Variants in STXBP5L observed in about 807,000 individuals in gnomAD.
STXBP5L encodes the protein syntaxin binding protein 5L, also known as syntaxin-binding protein 5-like.
A neutral mutation model predicts 144.5 loss-of-function variants in STXBP5L; 65 were observed. That is an observed-to-expected ratio of 0.45 (90% CI 0.37 to 0.55). The LOEUF (loss-of-function observed/expected upper bound fraction) is 0.55. STXBP5L is among the 20% of genes least tolerant of loss of function. The probability of loss-of-function intolerance (pLI) is 0.00; values close to 1 mark genes in which losing one functional copy is unlikely to be tolerated. For synonymous variants in STXBP5L, 505 were observed against 469.6 expected, an observed-to-expected ratio of 1.08 and a Z score of -0.97; for missense variants, 1,298 against 1,405.5, an observed-to-expected ratio of 0.92 and a Z score of 1.22.
At chr3:121,078,005 C>T (rs1275267376) in intron 5 of STXBP5L, among the ~76,000 whole-genome samples, 1 of 152,202 alleles carries the variant, frequency 6.6e-6, no homozygotes, top group Admixed American at 6.5e-5. Flanking sequence ...CATTCACAAA[C>T]CCTGAGCTAG....
At chr3:120,955,073 A>G (rs1451217739) in intron 3 of STXBP5L, 36 bp downstream of exon 3, 2 of 1,373,186 alleles carry the variant, frequency 1.5e-6, no homozygotes, top group Admixed American at 1.7e-5. Flanking sequence ...CTGCCACAGT[A>G]ATGCCAATTA....
chr3:121,001,301 G>A (rs553856673), intron 3 of STXBP5L, among the ~76,000 whole-genome samples: 2 of 152,352 alleles, frequency 1.3e-5, no homozygotes, highest in African/African-American at 4.8e-5. Flanking sequence ...CCCTGGTTGA[G>A]CATCTGAGGC....
chr3:121,360,768 A>G (rs1229396502), intron 20 of STXBP5L, among the ~76,000 whole-genome samples: 2 of 152,088 alleles, frequency 1.3e-5, no homozygotes, highest in Non-Finnish European at 2.9e-5. Flanking sequence ...AGTTGTAGTT[A>G]TTATTTTTTA....
At chr3:121,100,546 A>T (rs1027872674) in intron 5 of STXBP5L, among the ~76,000 whole-genome samples, 10 of 152,166 alleles carry the variant, frequency 6.6e-5, no homozygotes, top group Non-Finnish European at 1.3e-4. Context: ...TTTGACATAA[A>T]TGAAAACAGA....
chr3:121,290,336 T>C (rs1040740022), intron 19 of STXBP5L, among the ~76,000 whole-genome samples: 1 of 151,974 alleles, frequency 6.6e-6, no homozygotes, highest in African/African-American at 2.4e-5. Flanking sequence ...TATACAACCC[T>C]CCTGGATTAA....
At position 121,353,756 on chromosome 3, in the gene STXBP5L, C is replaced by T. The variant is rs146107909; in HGVS notation, c.2177-24960C>T. Reference sequence around the variant, plus strand: ...AATTTGTTTCCTCTTGCTTCTCTAGCTCTTTTAATTGTGATGTTAGGGTGT... The same window carrying T: ...AATTTGTTTCCTCTTGCTTCTCTAGTTCTTTTAATTGTGATGTTAGGGTGT... On this transcript the variant is annotated intron_variant, in intron 20 of 26. Transcript: ENST00000471454. Among the ~76,000 whole-genome samples the T allele has an allele frequency of 3.1e-3, 466 of 152,110 alleles. 3 individuals carry two copies. The highest frequency in any genetic ancestry group is 0.01 in the African/African-American group (434 of 41,524).
intron 3 of STXBP5L, among the ~76,000 whole-genome samples, chr3:120,970,981 C>G (rs9822141): frequency 6.6e-6 from 1 of 151,990 alleles, no homozygotes; most frequent in Non-Finnish European, 1.5e-5. Context: ...GGAACACTTA[C>G]AGTGAGCACC....
At chr3:120,971,279 GAT>G (rs1940216265) in intron 3 of STXBP5L, among the ~76,000 whole-genome samples, 1 of 151,878 alleles carries the variant, frequency 6.6e-6, no homozygotes, top group Non-Finnish European at 1.5e-5. Flanking sequence ...TTGTTACATG[GAT>G]ATATTGAGTA....
intron 3 of STXBP5L, among the ~76,000 whole-genome samples, chr3:120,964,531 C>G (rs1420740857): frequency 7.2e-5 from 11 of 151,918 alleles, no homozygotes; most frequent in Non-Finnish European, 1.5e-4. Context: ...CGTTATTTAC[C>G]CAGTAGTCAG....
chr3:121,390,560 G>T (rs1159370735), intron 22 of STXBP5L, among the ~76,000 whole-genome samples: 2 of 152,210 alleles, frequency 1.3e-5, no homozygotes, highest in African/African-American at 2.4e-5. Context: ...GATTCCTTCA[G>T]AAGCTCTTGT....
intron 25 of STXBP5L, 40 bp from the exon 26 acceptor site, chr3:121,418,297 C>A (rs1381204139): frequency 6.4e-7 from 1 of 1,573,692 alleles, no homozygotes; most frequent in Non-Finnish European, 8.6e-7. Flanking sequence ...GTTTGAATTA[C>A]TGACAAAATG....
At chr3:121,195,253 C>A (rs1283132609) in intron 9 of STXBP5L, among the ~76,000 whole-genome samples, 1 of 152,054 alleles carries the variant, frequency 6.6e-6, no homozygotes, top group Non-Finnish European at 1.5e-5. Flanking sequence ...ATGTTAGTTT[C>A]TCTTCTTGTC....
chr3:121,398,224 G>T lies in STXBP5L; in HGVS notation c.2588-9019G>T, dbSNP rs193016021. Among the ~76,000 whole-genome samples, 6 of 152,276 alleles carry T rather than the reference G, an allele frequency of 3.9e-5. No homozygotes were observed. The South Asian group carries it at 1.2e-3, about 32-fold the overall frequency. ...GTGACTCCTGTATGTATTTGTACCC[G>T]TTTTAAACTTAAACTAGACCTTTCT... On this transcript the variant is annotated intron_variant, in intron 22 of 26. Transcript: ENST00000471454.
chr3:120,909,830 G>A, intron 2 of STXBP5L, 63 bp downstream of exon 2: 1 of 1,477,276 alleles, frequency 6.8e-7, no homozygotes, highest in Non-Finnish European at 9.1e-7. Flanking sequence ...GGAAACAAGG[G>A]GGGAAAAACA....
intron 9 of STXBP5L, among the ~76,000 whole-genome samples, chr3:121,176,124 T>C (rs1204158568): frequency 6.6e-6 from 1 of 152,002 alleles, no homozygotes; most frequent in Non-Finnish European, 1.5e-5. Context: ...TTTGGAAACT[T>C]CAAAACTAAT....
intron 25 of STXBP5L, 151 bp from the exon 26 acceptor site, chr3:121,418,186 T>A (rs2047282903): frequency 1.1e-6 from 1 of 904,682 alleles, no homozygotes; most frequent in Non-Finnish European, 1.7e-6. Context: ...TGCTAACATC[T>A]CCAAATACAT....
At chr3:120,978,443 T>G (rs950297627) in intron 3 of STXBP5L, among the ~76,000 whole-genome samples, 1 of 152,300 alleles carries the variant, frequency 6.6e-6, no homozygotes, top group African/African-American at 2.4e-5. Context: ...GTTATACATT[T>G]GTCTAAATTT....
Position 120,955,023 on chromosome 3 carries a change from A to C in STXBP5L, c.273A>C (p.Thr91=), listed in dbSNP as rs1319796485. ...VQKILAIGTR[T]GAIRILGRPG... ...AAATCTTGGCTATTGGGACGAGAAC[A>C]GGTGCTATACGAATGTATCCTTAAA... Residue 91 remains threonine, a synonymous_variant, in exon 3 of 27, where the codon ACA becomes ACC. Coordinates refer to ENST00000471454, the MANE Select transcript of STXBP5L (RefSeq NM_001308330.2). The C allele has an allele frequency of 6.2e-7, 1 of 1,612,260 alleles. No individual in the cohort carries two copies. The highest frequency in any genetic ancestry group is 1.1e-5 in the South Asian group (1 of 91,012).
At chr3:120,960,220 T>C (rs1048974667) in intron 3 of STXBP5L, among the ~76,000 whole-genome samples, 6 of 152,182 alleles carry the variant, frequency 3.9e-5, no homozygotes, top group African/African-American at 7.2e-5. Flanking sequence ...TACCATCTCA[T>C]GCCAGTTAGA....
Sources: gnomAD v4.1 joint callset for allele counts (sites outside exome capture counted in the v4.1 genomes callset) on GRCh38, gnomAD v4.1.1 for gene constraint, MANE v1.5 for transcripts, NCBI Gene and HGNC (gene_info 2026-07-23, HGNC 2026-07-21) for gene names.